NAT8L: variants seen among roughly 807,000 people sequenced by gnomAD.
NAT8L encodes the protein N-acetylaspartate synthetase.
In NAT8L, 6 loss-of-function variants were observed where a neutral mutation model predicts 21.2. That is an observed-to-expected ratio of 0.28 (90% CI 0.16 to 0.56). The LOEUF (loss-of-function observed/expected upper bound fraction) is 0.56, where lower values mean the gene tolerates loss of function less well. Among genes scored for constraint, NAT8L ranks in the 20% least tolerant of loss-of-function variants. NAT8L has a pLI of 0.93. For missense variants in NAT8L, 331 were observed against 433.3 expected, an observed-to-expected ratio of 0.76 and a Z score of 2.10; for synonymous variants, 239 against 204.9, an observed-to-expected ratio of 1.17 and a Z score of -1.42.
chr4:2,061,565 G>T (rs1388715473), intron 2 of NAT8L, among the ~76,000 whole-genome samples: 2 of 152,196 alleles, frequency 1.3e-5, no homozygotes, highest in Non-Finnish European at 2.9e-5. Context: ...CCCTATTGGG[G>T]CACAGAGGAT....
Position 2,060,125 on chromosome 4 carries a change from CCCCCCA to C in NAT8L, c.376+247_376+252del, listed in dbSNP as rs1262874748. Among the ~76,000 whole-genome samples the C allele has an allele frequency of 3.3e-5, 5 of 151,998 alleles. No homozygotes were observed. The highest frequency in any genetic ancestry group is 5.9e-5 in the Non-Finnish European group (4 of 67,958). On this transcript the variant is annotated intron_variant, in intron 1 of 2. Transcript: ENST00000423729. The surrounding 1 kb of genome is among the most constrained non-coding windows in gnomAD (Gnocchi z 4.7). ...CCGCACCTGCGTCCCCGCCGCGCAG[CCCCCCA>C]CCCCCACCGCCTCCCCTGTCCCCTC...
chr4:2,059,843 T>C lies in NAT8L; in HGVS notation c.332T>C (p.Leu111Pro). The change falls in exon 1 of 3, where the codon CTG (leucine) becomes CCG (proline). Residue 111 changes from leucine to proline, a missense_variant. This residue lies in a region of NAT8L where 199 missense variants were observed against 196.1 expected (regional missense o/e 1.01). Coordinates refer to ENST00000423729, the MANE Select transcript of NAT8L (RefSeq NM_178557.4). This position sits in a 1 kb window ranked among gnomAD's most constrained non-coding sequence, Gnocchi z 4.8. Reference protein sequence around the residue: ...ERIPNTAFRGLRQHPRAQLLY... With the variant: ...ERIPNTAFRGPRQHPRAQLLY... The stretch of plus-strand genomic sequence containing the variant: ...ATCCCTAACACGGCCTTCCGCGGCC[T>C]GCGGCAGCACCCGCGCGCGCAGCTG... 7.2e-7 allele frequency: 1 copy of C among 1,382,362 alleles called. No homozygotes were observed. 85.6% of individuals were successfully genotyped at this position (1,382,362 alleles called of 1,614,324 possible). A position where few individuals can be genotyped will look rare whatever the true frequency, so the allele number is the denominator to read the frequency against.
rs1163274440 is a variant in NAT8L, at chr4:2,065,750, G to C, written c.*1623G>C. On this transcript the variant is annotated 3_prime_UTR_variant, in exon 3 of 3. Coordinates refer to ENST00000423729, the MANE Select transcript of NAT8L (RefSeq NM_178557.4). ...ATTGAGGTGTGCAGAGCACTGTACA[G>C]ACCCCACTCCCCTGTACATTCCTCC... 1 of 152,502 alleles carries C rather than the reference G, an allele frequency of 6.6e-6. No individual in the cohort carries two copies. Among genetic ancestry groups the C allele is most frequent in the Non-Finnish European group, 1.5e-5 (1 of 68,104 alleles). The allele number at this position is 152,502 out of a possible 1,614,324, so 9.4% of individuals were successfully genotyped here.
In NAT8L at chr4:2,064,020, G is replaced by A. The variant is rs769043558; in HGVS notation, c.802G>A (p.Gly268Ser). Reference protein sequence around the residue: ...LYESLGFRHMGASDHYVLPGM... With the variant: ...LYESLGFRHMSASDHYVLPGM... Reference sequence around the variant, plus strand: ...CGAGTCGCTGGGCTTCAGACACATGGGCGCCAGTGACCACTACGTGCTGCC... The same window carrying A: ...CGAGTCGCTGGGCTTCAGACACATGAGCGCCAGTGACCACTACGTGCTGCC... Residue 268 changes from glycine (G) to serine (S), a missense_variant, in exon 3 of 3, where the codon GGC becomes AGC. Physicochemically the swap from Gly to Ser is moderately conservative, Grantham distance 56. Transcript: ENST00000423729. 3 of 1,611,744 alleles carry A rather than the reference G, an allele frequency of 1.9e-6. No individual in the cohort carries two copies. Among genetic ancestry groups the A allele is most frequent in the South Asian group, 2.2e-5 (2 of 91,024 alleles).
chr4:2,067,179 G>C lies in NAT8L; in HGVS notation c.*3052G>C, dbSNP rs1730021212. On this transcript the variant is annotated 3_prime_UTR_variant, in exon 3 of 3. Transcript: ENST00000423729. The stretch of plus-strand genomic sequence containing the variant: ...GAAGGGCTCCTGAGCGTAGGGAGTT[G>C]AGCCCCGCAGCCGTGGCGGCATCTC... The C allele has an allele frequency of 6.6e-6, 1 of 152,360 alleles. No homozygotes were observed. The highest frequency in any genetic ancestry group is 1.9e-4 in the East Asian group (1 of 5,192). 9.4% of individuals were successfully genotyped at this position (152,360 alleles called of 1,614,324 possible).
intron 2 of NAT8L, among the ~76,000 whole-genome samples, chr4:2,061,566 C>T (rs1293048887): frequency 6.6e-6 from 1 of 152,064 alleles, no homozygotes; most frequent in Non-Finnish European, 1.5e-5. Context: ...CCTATTGGGG[C>T]ACAGAGGATG....
In NAT8L at chr4:2,064,017, A is replaced by T. The variant is rs936596214; in HGVS notation, c.799A>T (p.Met267Leu). The T allele has an allele frequency of 6.2e-7, 1 of 1,611,738 alleles. No homozygotes were observed. Residue 267 changes from methionine (M) to leucine (L), a missense_variant, in exon 3 of 3, where the codon ATG becomes TTG. By Grantham distance (15) the Met-to-Leu change is conservative (BLOSUM62 2). This residue lies in a region of NAT8L where 132 missense variants were observed against 237.1 expected (regional missense o/e 0.56). Transcript: ENST00000423729. The stretch of plus-strand genomic sequence containing the variant: ...CTACGAGTCGCTGGGCTTCAGACAC[A>T]TGGGCGCCAGTGACCACTACGTGCT... ...KLYESLGFRH[M>L]GASDHYVLPG...
rs1339196884 is a variant in NAT8L at position 2,064,148 on chromosome 4, G to A, written c.*21G>A. 51 of 1,374,910 alleles carry A rather than the reference G, an allele frequency of 3.7e-5. No individual in the cohort carries two copies. The South Asian group carries it at 3.8e-4, about 10-fold the overall frequency. 85.2% of individuals were successfully genotyped at this position (1,374,910 alleles called of 1,614,324 possible). On this transcript the variant is annotated 3_prime_UTR_variant, in exon 3 of 3. Coordinates refer to ENST00000423729, the MANE Select transcript of NAT8L (RefSeq NM_178557.4). Reference sequence around the variant, plus strand: ...AGTGACCGCCGCCGCTCGCCCGCCCGCCCCCCCGGCCGCCCTGTCCGCCTT... The same window carrying A: ...AGTGACCGCCGCCGCTCGCCCGCCCACCCCCCCGGCCGCCCTGTCCGCCTT...
rs1289813607 is a variant in NAT8L, at chr4:2,059,606, TCGC to T, written c.104_106del (p.Ala35del). 1 of 969,660 alleles carries T rather than the reference TCGC, an allele frequency of 1.0e-6. No individual in the cohort carries two copies. The highest frequency in any genetic ancestry group is 1.2e-6 in the Non-Finnish European group (1 of 823,738). 60.1% of individuals were successfully genotyped at this position (969,660 alleles called of 1,614,324 possible). ...CCGGGGGCCAAGAAGGACGCGCTGC[TCGC>T]CGCCGCCGGCGCCATGTGGCCCCCG... On this transcript the variant is annotated inframe_deletion, in exon 1 of 3. Coordinates refer to ENST00000423729, the MANE Select transcript of NAT8L (RefSeq NM_178557.4). This position sits in a 1 kb window ranked among gnomAD's most constrained non-coding sequence, Gnocchi z 4.8.
In NAT8L at chr4:2,059,382, C is replaced by A; in HGVS notation, c.-130C>A. ...CCGCCCCGCGCCCCTGAGCTGCCGCCGCCGCCGCCGCCGCTGCCGCCGCCG... is the reference window on the plus strand; with the variant it reads ...CCGCCCCGCGCCCCTGAGCTGCCGCAGCCGCCGCCGCCGCTGCCGCCGCCG... On this transcript the variant is annotated 5_prime_UTR_variant, in exon 1 of 3. Coordinates refer to ENST00000423729, the MANE Select transcript of NAT8L (RefSeq NM_178557.4). This position sits in a 1 kb window ranked among gnomAD's most constrained non-coding sequence, Gnocchi z 4.8. 5.5e-6 allele frequency: 1 copy of A among 183,080 alleles called. No individual in the cohort carries two copies. The highest frequency in any genetic ancestry group is 1.0e-5 in the Non-Finnish European group (1 of 100,034). The allele number at this position is 183,080 out of a possible 1,614,324, so 11.3% of individuals were successfully genotyped here.
Position 2,066,225 on chromosome 4 carries a change from G to C in NAT8L, c.*2098G>C, listed in dbSNP as rs1025984967. ...GATCCCCCTCCTGGGGGTTCTGAGAGTCCTGGGCAGTGTGGCCTTCTCTCA... is the reference window on the plus strand; with the variant it reads ...GATCCCCCTCCTGGGGGTTCTGAGACTCCTGGGCAGTGTGGCCTTCTCTCA... On this transcript the variant is annotated 3_prime_UTR_variant, in exon 3 of 3. Transcript: ENST00000423729. The C allele has an allele frequency of 6.6e-6, 1 of 152,258 alleles. No individual in the cohort carries two copies. The highest frequency in any genetic ancestry group is 1.5e-5 in the Non-Finnish European group (1 of 68,090). The allele number at this position is 152,258 out of a possible 1,614,324, so 9.4% of individuals were successfully genotyped here.
In NAT8L at chr4:2,066,551, T is replaced by A. The variant is rs1438921241; in HGVS notation, c.*2424T>A. ...CCGGGGCTGGAGGCCGGGTGCCTGG[T>A]GGGTGGGCCTGACCTGGCCCACCTC... is the stretch of plus-strand genomic sequence containing the variant. On this transcript the variant is annotated 3_prime_UTR_variant, in exon 3 of 3. Transcript: ENST00000423729. 6.6e-6 allele frequency: 1 copy of A among 152,178 alleles called. No homozygotes were observed. Among genetic ancestry groups the A allele is most frequent in the Non-Finnish European group, 1.5e-5 (1 of 68,028 alleles). 9.4% of individuals were successfully genotyped at this position (152,178 alleles called of 1,614,324 possible).
At position 2,067,529 on chromosome 4, in the gene NAT8L, G is replaced by C. The variant is rs968047553; in HGVS notation, c.*3402G>C. On this transcript the variant is annotated 3_prime_UTR_variant, in exon 3 of 3. Transcript: ENST00000423729. ...TGGCTGTGTGGCAGGTGCTGGGGAAGCTCTCTGGGCCATAGGGACCTGGCT... is the reference window on the plus strand; with the variant it reads ...TGGCTGTGTGGCAGGTGCTGGGGAACCTCTCTGGGCCATAGGGACCTGGCT... 1 of 152,368 alleles carries C rather than the reference G, an allele frequency of 6.6e-6. No homozygotes were observed. Among genetic ancestry groups the C allele is most frequent in the African/African-American group, 2.4e-5 (1 of 41,472 alleles). 9.4% of individuals were successfully genotyped at this position (152,368 alleles called of 1,614,324 possible).
Position 2,065,809 on chromosome 4 carries a change from G to GT in NAT8L, c.*1686dup, listed in dbSNP as rs1274998675. 1.3e-5 allele frequency: 2 copies of GT among 152,670 alleles called. No individual in the cohort carries two copies. The highest frequency in any genetic ancestry group is 1.5e-5 in the Non-Finnish European group (1 of 68,138). 9.5% of individuals were successfully genotyped at this position (152,670 alleles called of 1,614,324 possible). On this transcript the variant is annotated 3_prime_UTR_variant, in exon 3 of 3. Transcript: ENST00000423729. ...GCCCGGTCCCCGCTTGGGGATGGGA[G>GT]TTTTGTAGACTGTACAGAAATCGGC...
rs776849985 is a variant in NAT8L at position 2,063,945 on chromosome 4, G to A, written c.727G>A (p.Ala243Thr). ...GTTCGCCGTGGTGCACAACTACTCC[G>A]CGGTGGTGCTGGGCACGACGGCCGT... Reference protein sequence around the residue: ...LEFAVVHNYSAVVLGTTAVKV... With the variant: ...LEFAVVHNYSTVVLGTTAVKV... The change falls in exon 3 of 3, where the codon GCG becomes ACG. Residue 243 changes from alanine to threonine, a missense_variant. This residue lies in a region of NAT8L where 132 missense variants were observed against 237.1 expected (regional missense o/e 0.56). Transcript: ENST00000423729. 8 of 1,611,786 alleles carry A rather than the reference G, an allele frequency of 5.0e-6. No individual in the cohort carries two copies. The highest frequency in any genetic ancestry group is 1.7e-4 in the Middle Eastern group (1 of 6,060).
In NAT8L at chr4:2,059,523, G is replaced by T; in HGVS notation, c.12G>T (p.Gly4=). ...GCCCGGCCGGGTGCATGCATTGTGG[G>T]CCTCCCGACATGGTCTGCGAGACGA... is the stretch of plus-strand genomic sequence containing the variant. MHC[G]PPDMVCETKI... The change falls in exon 1 of 3, where the codon GGG becomes GGT. Residue 4 remains glycine, a synonymous_variant. Coordinates refer to ENST00000423729, the MANE Select transcript of NAT8L (RefSeq NM_178557.4). The surrounding 1 kb of genome is among the most constrained non-coding windows in gnomAD (Gnocchi z 4.8). 1.0e-6 allele frequency: 1 copy of T among 1,000,002 alleles called. No homozygotes were observed. The highest frequency in any genetic ancestry group is 1.2e-6 in the Non-Finnish European group (1 of 839,468). 61.9% of individuals were successfully genotyped at this position (1,000,002 alleles called of 1,614,324 possible). A position where few individuals can be genotyped will look rare whatever the true frequency, so the allele number is the denominator to read the frequency against.
In NAT8L at chr4:2,064,322, G is replaced by A. The variant is rs965119729; in HGVS notation, c.*195G>A. On this transcript the variant is annotated 3_prime_UTR_variant, in exon 3 of 3. Coordinates refer to ENST00000423729, the MANE Select transcript of NAT8L (RefSeq NM_178557.4). ...TCTTCGGCGACACTTTGGTGGGGGT[G>A]GGTTGTTTGTCGCCATAGCCCCTCG... The A allele has an allele frequency of 2.6e-5, 7 of 268,596 alleles. No homozygotes were observed. The Admixed American group carries it at 4.1e-4, about 16-fold the overall frequency. The allele number at this position is 268,596 out of a possible 1,614,324, so 16.6% of individuals were successfully genotyped here.
In NAT8L at chr4:2,067,546, G is replaced by T. The variant is rs1320228395; in HGVS notation, c.*3419G>T. On this transcript the variant is annotated 3_prime_UTR_variant, in exon 3 of 3. Transcript: ENST00000423729. The stretch of plus-strand genomic sequence containing the variant: ...CTGGGGAAGCTCTCTGGGCCATAGG[G>T]ACCTGGCTCCCCTCTGAGAGGCCCG... 6.6e-6 allele frequency: 1 copy of T among 152,348 alleles called. No homozygotes were observed. Among genetic ancestry groups the T allele is most frequent in the East Asian group, 1.9e-4 (1 of 5,194 alleles). 9.4% of individuals were successfully genotyped at this position (152,348 alleles called of 1,614,324 possible). A position where few individuals can be genotyped will look rare whatever the true frequency, so the allele number is the denominator to read the frequency against.
chr4:2,061,229 G>T, intron 2 of NAT8L, 67 bp downstream of exon 2: 1 of 1,596,914 alleles, frequency 6.3e-7, no homozygotes, highest in Admixed American at 1.7e-5. Context: ...GCACTCCAGC[G>T]ACCTCAGGGC....
Sources: allele counts gnomAD v4.1 joint callset (sites outside exome capture counted in the v4.1 genomes callset), GRCh38; gene constraint gnomAD v4.1.1; regional missense constraint gnomAD v4.1.1; non-coding constraint Gnocchi (gnomAD v3.1); transcripts MANE v1.5; gene names NCBI Gene and HGNC (gene_info 2026-07-23, HGNC 2026-07-21).